KIF5C: variants seen among roughly 807,000 people sequenced by gnomAD.
The protein encoded by KIF5C is kinesin heavy chain isoform 5C.
A neutral mutation model predicts 125.2 loss-of-function variants in KIF5C; 18 were observed. The ratio of observed to expected loss-of-function variants is 0.14; its 90% CI spans 0.10 to 0.21. KIF5C has a LOEUF of 0.21. Among genes scored for constraint, KIF5C ranks in the 10% least tolerant of loss-of-function variants. The probability of loss-of-function intolerance (pLI) is 1.00; values close to 1 mark genes in which losing one functional copy is unlikely to be tolerated. For missense variants in KIF5C, 780 were observed against 1,183.8 expected (o/e 0.66, Z 5.01); for synonymous variants, 405 against 434.0 (o/e 0.93, Z 0.83).
intron 25 of KIF5C, among the ~76,000 whole-genome samples, chr2:149,012,400 T>C (rs1268915695): frequency 6.6e-6 from 1 of 152,204 alleles, no homozygotes; most frequent in African/African-American, 2.4e-5. Context: ...TTAGATAAAC[T>C]CTGACTTTGA....
Position 149,023,271 on chromosome 2 carries a change from C to T in KIF5C, c.*201C>T, listed in dbSNP as rs1242183261. On this transcript the variant is annotated 3_prime_UTR_variant, in exon 26 of 26. Coordinates refer to ENST00000435030, the MANE Select transcript of KIF5C (RefSeq NM_004522.3). The stretch of plus-strand genomic sequence containing the variant: ...TCGGACTTTTCTCTTTTTGAGAAAT[C>T]TGAAGGAGATGGTTGCAGAAGATCC... 2 of 151,990 alleles carry T rather than the reference C, an allele frequency of 1.3e-5. No homozygotes were observed. The highest frequency in any genetic ancestry group is 2.9e-5 in the Non-Finnish European group (2 of 68,020). 9.4% of individuals were successfully genotyped at this position (151,990 alleles called of 1,614,324 possible). A position where few individuals can be genotyped will look rare whatever the true frequency, so the allele number is the denominator to read the frequency against.
chr2:149,007,823 C>G, intron 22 of KIF5C, 140 bp from the exon 23 acceptor site: 1 of 1,013,366 alleles, frequency 9.9e-7, no homozygotes. Context: ...TTTCTTGAGT[C>G]TAAACTTTTA....
chr2:148,950,329 T>C lies in KIF5C; in HGVS notation c.835T>C (p.Tyr279His). 6.2e-7 allele frequency: 1 copy of C among 1,613,966 alleles called. No individual in the cohort carries two copies. Among genetic ancestry groups the C allele is most frequent in the Non-Finnish European group, 8.5e-7 (1 of 1,179,846 alleles). ...TCCTAAATAGAAAACACATGTGCCATACCGGGACAGCAAGATGACTCGGAT... is the reference window on the plus strand; with the variant it reads ...TCCTAAATAGAAAACACATGTGCCACACCGGGACAGCAAGATGACTCGGAT... ...LAEGTKTHVP[Y>H]RDSKMTRILQ... The change falls in exon 10 of 26, where the codon TAC becomes CAC. Residue 279 changes from tyrosine to histidine, a missense_variant. Around this residue, in one of 2 missense-constraint regions of KIF5C, gnomAD observed 207 missense variants for 441.2 expected, o/e 0.47. Transcript: ENST00000435030.
intron 3 of KIF5C, among the ~76,000 whole-genome samples, chr2:148,934,074 C>A (rs1682233358): frequency 7.0e-6 from 1 of 143,512 alleles, no homozygotes; most frequent in African/African-American, 2.9e-5. Flanking sequence ...ACATCATAAA[C>A]ACACACAGAC....
rs1380200828 is a variant in KIF5C at position 148,973,521 on chromosome 2, C to G, written c.1293+10C>G. 6.3e-7 allele frequency: 1 copy of G among 1,598,924 alleles called. No homozygotes were observed. The highest frequency in any genetic ancestry group is 1.7e-5 in the Admixed American group (1 of 57,670). On this transcript the variant is annotated intron_variant, in intron 12 of 25. Transcript: ENST00000435030. ...ACAACTGGATGACAAGGTCTGTGGC[C>G]AGAGATTCATAGTTCTCATTCTGCT...
intron 1 of KIF5C, among the ~76,000 whole-genome samples, chr2:148,881,159 C>T (rs1289994054): frequency 1.3e-5 from 2 of 152,062 alleles, no homozygotes; most frequent in Non-Finnish European, 2.9e-5. Flanking sequence ...TTCCTCATGT[C>T]AACATTAGCT....
At chr2:148,983,791 C>A in intron 15 of KIF5C, 25 bp downstream of exon 15, 1 of 1,567,664 alleles carries the variant, frequency 6.4e-7, no homozygotes, top group South Asian at 1.2e-5. Flanking sequence ...CTTTTATCCT[C>A]TCTACCTGCT....
chr2:148,914,673 C>G (rs1681474027), intron 1 of KIF5C, among the ~76,000 whole-genome samples: 1 of 152,260 alleles, frequency 6.6e-6, no homozygotes, highest in African/African-American at 2.4e-5. Flanking sequence ...TGTTTCATTG[C>G]AGATTCTCCT....
At chr2:148,954,398 T>C (rs1180029059) in intron 10 of KIF5C, among the ~76,000 whole-genome samples, 1 of 152,228 alleles carries the variant, frequency 6.6e-6, no homozygotes, top group Admixed American at 6.5e-5. Context: ...TTGTAGTCTT[T>C]AATTACTCTT....
chr2:148,992,952 G>GTACT (rs1331978334), intron 16 of KIF5C, among the ~76,000 whole-genome samples: 2 of 152,160 alleles, frequency 1.3e-5, no homozygotes, highest in Non-Finnish European at 2.9e-5. Flanking sequence ...AGACCCCATG[G>GTACT]CCTGCAGCCC....
At position 149,003,517 on chromosome 2, in the gene KIF5C, T is replaced by A. The variant is rs531002262; in HGVS notation, c.2374-1876T>A. On this transcript the variant is annotated intron_variant, in intron 21 of 25. Transcript: ENST00000435030. ...TGCTGGTCCCACCCTTGCTGTCCAC[T>A]GTGACAGGAAGCTGAGCCTTGAGCT... Among the ~76,000 whole-genome samples, 9 of 152,336 alleles carry A rather than the reference T, an allele frequency of 5.9e-5. No homozygotes were observed. In the South Asian group the frequency reaches 1.7e-3, roughly 28 times the overall value.
At position 148,875,478 on chromosome 2, in the gene KIF5C, C is replaced by A. The variant is rs1486136626; in HGVS notation, c.-140C>A. ...GGGGCTGCTCAGCCGGCCGGGCTCGCGATGACCTGCTGAGAAGCGTCGTCG... is the reference window on the plus strand; with the variant it reads ...GGGGCTGCTCAGCCGGCCGGGCTCGAGATGACCTGCTGAGAAGCGTCGTCG... On this transcript the variant is annotated 5_prime_UTR_variant, in exon 1 of 26. Coordinates refer to ENST00000435030, the MANE Select transcript of KIF5C (RefSeq NM_004522.3). The A allele has an allele frequency of 2.9e-6, 2 of 689,018 alleles. No homozygotes were observed. Among genetic ancestry groups the A allele is most frequent in the Non-Finnish European group, 2.4e-6 (1 of 411,102 alleles). 42.7% of individuals were successfully genotyped at this position (689,018 alleles called of 1,614,324 possible).
intron 22 of KIF5C, among the ~76,000 whole-genome samples, chr2:149,006,072 C>A (rs1681996681): frequency 6.6e-6 from 1 of 152,162 alleles, no homozygotes; most frequent in Non-Finnish European, 1.5e-5. Flanking sequence ...CTTCTTCCAT[C>A]CTCGTGCTAC....
Position 148,998,528 on chromosome 2 carries a change from C to T in KIF5C, c.2210+19C>T, listed in dbSNP as rs371751615. 6.4e-7 allele frequency: 1 copy of T among 1,551,740 alleles called. No individual in the cohort carries two copies. The highest frequency in any genetic ancestry group is 1.4e-5 in the African/African-American group (1 of 73,052). On this transcript the variant is annotated intron_variant, in intron 19 of 25. Coordinates refer to ENST00000435030, the MANE Select transcript of KIF5C (RefSeq NM_004522.3). The stretch of plus-strand genomic sequence containing the variant: ...TTCGGGAGTGAGTCGGCCCAGGGCA[C>T]CAGGGGTGTGGGGGTGGTCATGCCT...
intron 11 of KIF5C, among the ~76,000 whole-genome samples, chr2:148,967,666 G>C (rs1429754699): frequency 6.6e-6 from 1 of 152,174 alleles, no homozygotes; most frequent in Non-Finnish European, 1.5e-5. Context: ...GACATCTTGT[G>C]GGCCGATATC....
At chr2:148,974,802 G>T (rs751980350) in intron 12 of KIF5C, among the ~76,000 whole-genome samples, 4 of 152,078 alleles carry the variant, frequency 2.6e-5, no homozygotes, top group African/African-American at 4.8e-5. Context: ...TTTAGTAATC[G>T]CAGAGAATCC....
At chr2:148,949,011 C>T (rs1456113287) in intron 8 of KIF5C, among the ~76,000 whole-genome samples, 2 of 152,098 alleles carry the variant, frequency 1.3e-5, no homozygotes, top group Non-Finnish European at 2.9e-5. Flanking sequence ...ATATGTGATT[C>T]GAATTTGCGT....
At chr2:148,970,889 TC>T (rs1353118893) in intron 11 of KIF5C, among the ~76,000 whole-genome samples, 2 of 152,210 alleles carry the variant, frequency 1.3e-5, no homozygotes, top group East Asian at 3.8e-4. Context: ...ATATATCTCT[TC>T]CAGATGTTTT....
intron 8 of KIF5C, chr2:148,947,938 A>G (rs569288447): frequency 4.4e-6 from 2 of 456,720 alleles, no homozygotes; most frequent in African/African-American, 4.0e-5. Flanking sequence ...CCCGTATGCC[A>G]AGTTATGGCC....
Sources: gnomAD v4.1 joint callset for allele counts (sites outside exome capture counted in the v4.1 genomes callset) on GRCh38, gnomAD v4.1.1 for gene constraint, gnomAD v4.1.1 regional missense constraint, MANE v1.5 for transcripts, NCBI Gene and HGNC (gene_info 2026-07-23, HGNC 2026-07-21) for gene names.